KIF1B: variants seen among roughly 807,000 people sequenced by gnomAD.
KIF1B encodes kinesin family member 1B, also known as kinesin-like protein KIF1B.
KIF1B carries 76 observed loss-of-function variants against 241.9 expected under a neutral mutation model. The observed-to-expected ratio is 0.31, with a 90% CI of 0.26 to 0.38. The LOEUF (loss-of-function observed/expected upper bound fraction) is 0.38, where lower values mean the gene tolerates loss of function less well. Among genes scored for constraint, KIF1B ranks in the 10% least tolerant of loss-of-function variants. KIF1B has a pLI of 1.00. For missense variants in KIF1B, 1,622 were observed against 2,271.4 expected (o/e 0.71, Z 5.81); for synonymous variants, 750 against 796.7 (o/e 0.94, Z 0.99).
chr1:10,270,438 A>C (rs1648726279), intron 7 of KIF1B, among the ~76,000 whole-genome samples: 2 of 152,208 alleles, frequency 1.3e-5, no homozygotes, highest in Admixed American at 6.5e-5. Context: ...ATTGTTGATG[A>C]GTATTGCGTT....
rs996452783 is a variant in KIF1B, at chr1:10,378,134, T to C, written c.*1547T>C. On this transcript the variant is annotated 3_prime_UTR_variant, in exon 49 of 49. Coordinates refer to ENST00000676179, the MANE Select transcript of KIF1B (RefSeq NM_001365951.3). ...CATAAATAAGCAAATGTGGCAGGCT[T>C]TGCTTTCTGGATCCCAGGATTAAAA... is the stretch of plus-strand genomic sequence containing the variant. 30 of 586,978 alleles carry C rather than the reference T, an allele frequency of 5.1e-5. No homozygotes were observed. The South Asian group carries it at 6.3e-4, about 12-fold the overall frequency. 36.4% of individuals were successfully genotyped at this position (586,978 alleles called of 1,614,324 possible). A position where few individuals can be genotyped will look rare whatever the true frequency, so the allele number is the denominator to read the frequency against.
intron 10 of KIF1B, 125 bp from the exon 11 acceptor site, chr1:10,275,303 A>T: frequency 1.5e-6 from 1 of 656,870 alleles, no homozygotes; most frequent in Non-Finnish European, 2.8e-6. Flanking sequence ...TATGAATGAT[A>T]AACTTCCACA....
chr1:10,358,454 C>CT (rs1440839484), intron 38 of KIF1B, among the ~76,000 whole-genome samples: 3 of 152,160 alleles, frequency 2.0e-5, no homozygotes, highest in East Asian at 3.9e-4. Flanking sequence ...TGCCGTCACT[C>CT]TAAGAAGAGG....
intron 1 of KIF1B, among the ~76,000 whole-genome samples, chr1:10,212,615 G>A (rs1313756666): frequency 2.6e-5 from 4 of 152,036 alleles, no homozygotes; most frequent in Admixed American, 2.6e-4. Context: ...GGGTGTGGTG[G>A]CTCATGCCTT....
At chr1:10,371,952 A>G (rs1414446451) in intron 45 of KIF1B, among the ~76,000 whole-genome samples, 1 of 152,144 alleles carries the variant, frequency 6.6e-6, no homozygotes, top group Non-Finnish European at 1.5e-5. Context: ...AAATAAAAAA[A>G]AGACAAATGT....
At chr1:10,277,227 C>T (rs1278375718) in intron 12 of KIF1B, among the ~76,000 whole-genome samples, 1 of 151,732 alleles carries the variant, frequency 6.6e-6, no homozygotes, top group African/African-American at 2.4e-5. Context: ...AGGAGGATCA[C>T]TTGAGCACAG....
At chr1:10,331,620 C>T (rs898129389) in intron 27 of KIF1B, among the ~76,000 whole-genome samples, 1 of 152,200 alleles carries the variant, frequency 6.6e-6, no homozygotes, top group Admixed American at 6.5e-5. Flanking sequence ...CCCAAATACC[C>T]AGTCTATCCT....
chr1:10,249,522 G>C (rs946501), intron 2 of KIF1B, among the ~76,000 whole-genome samples: 51,329 of 151,994 alleles, frequency 0.34, 8,824 homozygotes, highest in Admixed American at 0.38. Context: ...CAAGCACTTT[G>C]AGGATATATG....
At position 10,313,708 on chromosome 1, in the gene KIF1B, A is replaced by G. The variant is rs537345033; in HGVS notation, c.2116-6335A>G. ...TGGGACTACAGGTGCCCACCACCAC[A>G]CCCGGCTAATTTTTTGTAGTTTTAG... On this transcript the variant is annotated intron_variant, in intron 22 of 48. Transcript: ENST00000676179. 4.4e-3 allele frequency among the ~76,000 whole-genome samples: 651 copies of G among 149,146 alleles called. 32 individuals carry two copies. The highest frequency in any genetic ancestry group is 0.014 in the African/African-American group (572 of 39,704).
chr1:10,311,892 C>T lies in KIF1B; in HGVS notation c.2116-8151C>T, dbSNP rs144743663. ...ATTACATGTATTAATACACATAAAC[C>T]TTTTACATGTTTTGACTCATTGAGT... On this transcript the variant is annotated intron_variant, in intron 22 of 48. Coordinates refer to ENST00000676179, the MANE Select transcript of KIF1B (RefSeq NM_001365951.3). Among the ~76,000 whole-genome samples the T allele has an allele frequency of 6.6e-5, 10 of 151,412 alleles. No homozygotes were observed. In the East Asian group the frequency reaches 1.9e-3, roughly 29 times the overall value.
At chr1:10,304,450 G>A in intron 22 of KIF1B, 9 of 1,611,394 alleles carry the variant, frequency 5.6e-6, no homozygotes, top group Non-Finnish European at 7.6e-6. Flanking sequence ...GACTTTCCAG[G>A]CAAAGCGCCA....
At position 10,373,184 on chromosome 1, in the gene KIF1B, C is replaced by T. The variant is rs188334090; in HGVS notation, c.4947-1132C>T. On this transcript the variant is annotated intron_variant, in intron 45 of 48. Coordinates refer to ENST00000676179, the MANE Select transcript of KIF1B (RefSeq NM_001365951.3). ...CCGTGTTAGCCAGGATGGTCTTGGTCTCCTGACCTCATGATCTGCCAGCCT... is the reference window on the plus strand; with the variant it reads ...CCGTGTTAGCCAGGATGGTCTTGGTTTCCTGACCTCATGATCTGCCAGCCT... Among the ~76,000 whole-genome samples the T allele has an allele frequency of 7.2e-3, 1,090 of 151,632 alleles. 12 individuals are homozygous for T. Among genetic ancestry groups the T allele is most frequent in the African/African-American group, 0.025 (1,025 of 41,272 alleles).
At chr1:10,336,442 C>A (rs530310076) in intron 28 of KIF1B, among the ~76,000 whole-genome samples, 1 of 152,210 alleles carries the variant, frequency 6.6e-6, no homozygotes, top group African/African-American at 2.4e-5. Context: ...CCACCGCACC[C>A]GGCCTGAAAC....
chr1:10,237,476 C>T (rs1369589417), intron 2 of KIF1B, among the ~76,000 whole-genome samples: 1 of 152,134 alleles, frequency 6.6e-6, no homozygotes, highest in African/African-American at 2.4e-5. Flanking sequence ...TATTTTTACC[C>T]ACAAATTGTC....
chr1:10,367,439 C>T (rs1346079546), intron 43 of KIF1B, among the ~76,000 whole-genome samples: 2 of 151,832 alleles, frequency 1.3e-5, no homozygotes, highest in Admixed American at 1.3e-4. Flanking sequence ...TGCGGTGGCA[C>T]ACGCCTGTAA....
intron 1 of KIF1B, among the ~76,000 whole-genome samples, chr1:10,226,839 G>C (rs1223264377): frequency 6.6e-6 from 1 of 151,766 alleles, no homozygotes; most frequent in Admixed American, 6.6e-5. Context: ...GTGGTGGCGT[G>C]TGCCTGTAAT....
intron 13 of KIF1B, chr1:10,278,510 G>A (rs1649236628): frequency 3.9e-6 from 1 of 258,230 alleles, no homozygotes; most frequent in African/African-American, 2.3e-5. Flanking sequence ...TGTTTCATGG[G>A]TTGCTCTGGA....
At chr1:10,282,979 G>C (rs1649489798) in intron 15 of KIF1B, among the ~76,000 whole-genome samples, 1 of 152,000 alleles carries the variant, frequency 6.6e-6, no homozygotes, top group African/African-American at 2.4e-5. Context: ...GGCCGAGGCG[G>C]GGTGGATCAC....
At chr1:10,342,227 T>C (rs1360517331) in intron 33 of KIF1B, 59 bp downstream of exon 33, 2 of 1,050,810 alleles carry the variant, frequency 1.9e-6, no homozygotes, top group African/African-American at 3.1e-5. Context: ...AGTTTCTCAA[T>C]TGCTGGAAAG....
Sources: gnomAD v4.1 joint callset for allele counts (sites outside exome capture counted in the v4.1 genomes callset) on GRCh38, gnomAD v4.1.1 for gene constraint, MANE v1.5 for transcripts, NCBI Gene and HGNC (gene_info 2026-07-23, HGNC 2026-07-21) for gene names.